LIPE: variants seen among roughly 807,000 people sequenced by gnomAD.
LIPE encodes the protein lipase E, hormone sensitive type.
In LIPE, 66 loss-of-function variants were observed where a neutral mutation model predicts 88.5. The observed-to-expected ratio is 0.75, with a 90% CI of 0.61 to 0.91. The LOEUF (loss-of-function observed/expected upper bound fraction) is 0.91. Ranked by LOEUF, LIPE falls within the 40% of genes least tolerant of loss-of-function variation. The pLI, the probability that LIPE is intolerant of heterozygous loss-of-function variation, is 0.00. For missense variants in LIPE, 1,346 were observed against 1,434.7 expected (o/e 0.94, Z 1.00); for synonymous variants, 570 against 617.5 (o/e 0.92, Z 1.14).
At chr19:42,424,207 G>T in intron 1 of LIPE, 2 of 902,822 alleles carry the variant, frequency 2.2e-6, no homozygotes, top group Non-Finnish European at 3.1e-6. Context: ...TAATGAGGGT[G>T]GGGGATGGTG....
chr19:42,407,721 T>C lies in LIPE; in HGVS notation c.1727A>G (p.Glu576Gly), dbSNP rs764713918. The change falls in exon 5 of 10, where the codon GAG becomes GGG. Residue 576 changes from glutamate (E) to glycine (G), a missense_variant. Coordinates refer to ENST00000244289, the MANE Select transcript of LIPE (RefSeq NM_005357.4). The surrounding 1 kb of genome is among the most constrained non-coding windows in gnomAD (Gnocchi z 5.8). ...CGTGGGGTCGGCAGTCAGTGGCATC[T>C]CAAAGGCTTCGGGTGGCAGGCTGAG... ...RLLSLPPEAF[E>G]MPLTADPTLT... 9 of 1,575,612 alleles carry C rather than the reference T, an allele frequency of 5.7e-6. No homozygotes were observed. The Admixed American group carries it at 1.7e-4, about 29-fold the overall frequency.
At position 42,408,717 on chromosome 19, in the gene LIPE, A is replaced by T. The variant is rs2040274720; in HGVS notation, c.1420-395T>A. Among the ~76,000 whole-genome samples, 1 of 151,706 alleles carries T rather than the reference A, an allele frequency of 6.6e-6. No homozygotes were observed. The highest frequency in any genetic ancestry group is 2.4e-5 in the African/African-American group (1 of 41,292). On this transcript the variant is annotated intron_variant, in intron 2 of 9. Transcript: ENST00000244289. The surrounding 1 kb of genome is among the most constrained non-coding windows in gnomAD (Gnocchi z 4.3). Reference sequence around the variant, plus strand: ...CATGAAGGCTTAAAGGTGAGCTCATAGGAGGCTGAGGCAGGAGAATCGCTT... The same window carrying T: ...CATGAAGGCTTAAAGGTGAGCTCATTGGAGGCTGAGGCAGGAGAATCGCTT...
chr19:42,426,342 C>G lies in LIPE; in HGVS notation c.808G>C (p.Val270Leu). Residue 270 changes from valine to leucine, a missense_variant, in exon 1 of 10, where the codon GTG becomes CTG. By Grantham distance (32) the Val-to-Leu change is conservative (BLOSUM62 1). Coordinates refer to ENST00000244289, the MANE Select transcript of LIPE (RefSeq NM_005357.4). ...GACGTCCCACTGTATCCTGACATCA[C>G]TTTATAACCAGATTTTCCTTTGAAG... ...LGFKGKSGYK[V>L]MSGYSGTSPH... The G allele has an allele frequency of 6.2e-7, 1 of 1,613,936 alleles. No individual in the cohort carries two copies. Among genetic ancestry groups the G allele is most frequent in the Non-Finnish European group, 8.5e-7 (1 of 1,179,902 alleles).
In LIPE at chr19:42,407,321, C is replaced by T. The variant is rs756003168; in HGVS notation, c.1990G>A (p.Glu664Lys). The part of the protein sequence containing the change: ...GFVAQTSRSH[E>K]PYLKSWAQEL... ...TGGGCCCAGCTCTTGAGGTAGGGCT[C>T]GTGGGATCTGGAGGTCTGGGCCACA... is the stretch of plus-strand genomic sequence containing the variant. The change falls in exon 6 of 10, where the codon GAG becomes AAG. Residue 664 changes from glutamate (E) to lysine (K), a missense_variant. Glu to Lys is a moderately conservative substitution (Grantham distance 56). Transcript: ENST00000244289. The surrounding 1 kb of genome is among the most constrained non-coding windows in gnomAD (Gnocchi z 5.8). 16 of 1,611,794 alleles carry T rather than the reference C, an allele frequency of 9.9e-6. No individual in the cohort carries two copies. The highest frequency in any genetic ancestry group is 3.4e-5 in the Admixed American group (2 of 59,586).
rs898712514 is a variant in LIPE, at chr19:42,401,598, C to T, written c.*214G>A. 1.9e-6 allele frequency: 1 copy of T among 516,098 alleles called. No homozygotes were observed. The highest frequency in any genetic ancestry group is 3.4e-6 in the Non-Finnish European group (1 of 297,020). 32.0% of individuals were successfully genotyped at this position (516,098 alleles called of 1,614,324 possible). On this transcript the variant is annotated 3_prime_UTR_variant, in exon 10 of 10. Coordinates refer to ENST00000244289, the MANE Select transcript of LIPE (RefSeq NM_005357.4). Reference sequence around the variant, plus strand: ...GTCCCTGCGGCGGTCGCCGCAGCAGCAGCAGCAAAAGGCAGCGGTGGCGTG... The same window carrying T: ...GTCCCTGCGGCGGTCGCCGCAGCAGTAGCAGCAAAAGGCAGCGGTGGCGTG...
chr19:42,419,864 G>C (rs1861286931), intron 1 of LIPE, among the ~76,000 whole-genome samples: 1 of 152,090 alleles, frequency 6.6e-6, no homozygotes, highest in Non-Finnish European at 1.5e-5. Context: ...AACAGCCTCT[G>C]CGTGCCTGGT....
At position 42,408,554 on chromosome 19, in the gene LIPE, C is replaced by A; in HGVS notation, c.1420-232G>T. On this transcript the variant is annotated intron_variant, in intron 2 of 9. Transcript: ENST00000244289. This position sits in a 1 kb window ranked among gnomAD's most constrained non-coding sequence, Gnocchi z 4.3. ...CGCGCAGTATCATGACAAGGAATGA[C>A]GAATGGTTTGGAAAAAAAAAAAGGC... is the stretch of plus-strand genomic sequence containing the variant. 1.8e-5 allele frequency: 9 copies of A among 491,454 alleles called. No individual in the cohort carries two copies. The highest frequency in any genetic ancestry group is 3.3e-5 in the Non-Finnish European group (9 of 273,566). 30.4% of individuals were successfully genotyped at this position (491,454 alleles called of 1,614,324 possible).
At chr19:42,424,405 C>T (rs930806981) in intron 1 of LIPE, 10 of 456,298 alleles carry the variant, frequency 2.2e-5, no homozygotes, top group Admixed American at 7.0e-5. Flanking sequence ...TGCTTCTGGA[C>T]CGCCTGAAAG....
chr19:42,422,961 G>A (rs188779903), intron 1 of LIPE: 3 of 172,470 alleles, frequency 1.7e-5, no homozygotes, highest in East Asian at 3.8e-4. Flanking sequence ...TCCACTATGG[G>A]CACCCCTTCC....
At position 42,408,265 on chromosome 19, in the gene LIPE, C is replaced by T. The variant is rs761351723; in HGVS notation, c.1477G>A (p.Gly493Arg). The change falls in exon 3 of 10, where the codon GGG (glycine) becomes AGG (arginine). Residue 493 changes from glycine (G) to arginine (R), a missense_variant. Transcript: ENST00000244289. This position sits in a 1 kb window ranked among gnomAD's most constrained non-coding sequence, Gnocchi z 4.3. Reference sequence around the variant, plus strand: ...GTCTCGTTGCGTTTGTAGTGCTCCCCGAAGGACACCAGCCCAATGGAGATG... The same window carrying T: ...GTCTCGTTGCGTTTGTAGTGCTCCCTGAAGGACACCAGCCCAATGGAGATG... ...QTISIGLVSFGEHYKRNETGL... is the reference protein window; with the variant it reads ...QTISIGLVSFREHYKRNETGL... 26 of 1,613,902 alleles carry T rather than the reference C, an allele frequency of 1.6e-5. No individual in the cohort carries two copies. The East Asian group carries it at 1.8e-4, about 11-fold the overall frequency.
Position 42,407,840 on chromosome 19 carries a change from G to T in LIPE, c.1657-49C>A. 1 of 1,546,596 alleles carries T rather than the reference G, an allele frequency of 6.5e-7. No individual in the cohort carries two copies. The highest frequency in any genetic ancestry group is 8.7e-7 in the Non-Finnish European group (1 of 1,145,948). ...TGCTAGGGAAGGTCTGCCTGCAGGG[G>T]TGCCCTTCACCTCTCCCTCTGATCC... On this transcript the variant is annotated intron_variant, in intron 4 of 9. Coordinates refer to ENST00000244289, the MANE Select transcript of LIPE (RefSeq NM_005357.4). This position sits in a 1 kb window ranked among gnomAD's most constrained non-coding sequence, Gnocchi z 5.8.
intron 1 of LIPE, among the ~76,000 whole-genome samples, chr19:42,418,916 G>C (rs2040541604): frequency 6.6e-6 from 1 of 152,030 alleles, no homozygotes; most frequent in African/African-American, 2.4e-5. Context: ...TTCAGCCTTT[G>C]GACAGTGCCT....
Position 42,407,351 on chromosome 19 carries a change from C to A in LIPE, c.1960G>T (p.Gly654Cys). ...GATCTGGAGGTCTGGGCCACAAAGC[C>A]ACCGCCGTGGAAGTGCACTATCAGG... ...RSLIVHFHGG[G>C]FVAQTSRSHE... Residue 654 changes from glycine to cysteine, a missense_variant, in exon 6 of 10, where the codon GGC becomes TGC. Gly to Cys is a radical substitution (Grantham distance 159). Transcript: ENST00000244289. The surrounding 1 kb of genome is among the most constrained non-coding windows in gnomAD (Gnocchi z 5.8). The A allele has an allele frequency of 1.9e-6, 3 of 1,613,066 alleles. No individual in the cohort carries two copies. The highest frequency in any genetic ancestry group is 2.2e-5 in the East Asian group (1 of 44,848).
chr19:42,416,761 G>C (rs2040495453), intron 1 of LIPE, among the ~76,000 whole-genome samples: 1 of 152,186 alleles, frequency 6.6e-6, no homozygotes, highest in Admixed American at 6.5e-5. Flanking sequence ...GAGACGGACT[G>C]CACAGAAAAC....
Position 42,405,457 on chromosome 19 carries a change from C to T in LIPE, c.2470G>A (p.Ala824Thr). ...ALLLRDFRLGASSWLNSFLEL... is the reference protein window; with the variant it reads ...ALLLRDFRLGTSSWLNSFLEL... ...AGGAAGGAGTTGAGCCATGAGGAGG[C>T]ACCCAGGCGGAAGTCTCGGAGGAGC... The change falls in exon 8 of 10, where the codon GCC becomes ACC. Residue 824 changes from alanine to threonine, a missense_variant. Ala to Thr is a moderately conservative substitution (Grantham distance 58, BLOSUM62 0). Coordinates refer to ENST00000244289, the MANE Select transcript of LIPE (RefSeq NM_005357.4). 6.2e-7 allele frequency: 1 copy of T among 1,614,082 alleles called. No individual in the cohort carries two copies. Among genetic ancestry groups the T allele is most frequent in the Non-Finnish European group, 8.5e-7 (1 of 1,180,028 alleles).
At chr19:42,416,222 T>A (rs2147650774) in intron 1 of LIPE, among the ~76,000 whole-genome samples, 1 of 152,196 alleles carries the variant, frequency 6.6e-6, no homozygotes, top group Non-Finnish European at 1.5e-5. Flanking sequence ...CGCATGCCTG[T>A]AATCCCAGCT....
At chr19:42,418,132 G>C (rs1600139819) in intron 1 of LIPE, among the ~76,000 whole-genome samples, 1 of 152,126 alleles carries the variant, frequency 6.6e-6, no homozygotes. Context: ...ACAGGTGCCT[G>C]CCACCGCGCC....
intron 8 of LIPE, 102 bp downstream of exon 8, chr19:42,405,283 G>T (rs1325758460): frequency 3.2e-6 from 4 of 1,258,412 alleles, no homozygotes; most frequent in Non-Finnish European, 4.4e-6. Context: ...GGGATTGCAG[G>T]TCTGAACCAC....
rs34023098 is a variant in LIPE, at chr19:42,408,824, TA to T, written c.1420-503del. ...GGGCGACAGAGCGAGACTCTGTCTC[TA>T]AAAAAAAAAAAAGGTGAGCTCATGC... On this transcript the variant is annotated intron_variant, in intron 2 of 9. Coordinates refer to ENST00000244289, the MANE Select transcript of LIPE (RefSeq NM_005357.4). This position sits in a 1 kb window ranked among gnomAD's most constrained non-coding sequence, Gnocchi z 4.3. Among the ~76,000 whole-genome samples, 458 of 136,636 alleles carry T rather than the reference TA, an allele frequency of 3.4e-3. No individual in the cohort carries two copies. The highest frequency in any genetic ancestry group is 8.1e-3 in the Middle Eastern group (2 of 248). 89.6% of individuals were successfully genotyped at this position (136,636 alleles called of 152,430 possible).
Sources: allele counts gnomAD v4.1 joint callset (sites outside exome capture counted in the v4.1 genomes callset), GRCh38; gene constraint gnomAD v4.1.1; non-coding constraint Gnocchi (gnomAD v3.1); transcripts MANE v1.5; gene names NCBI Gene and HGNC (gene_info 2026-07-23, HGNC 2026-07-21).